The following PLSCR3 variants were observed in gnomAD, a reference collection of about 807,000 sequenced individuals.
PLSCR3 encodes the protein phospholipid scramblase 3, also known as PL scramblase 3.
PLSCR3 carries 17 observed loss-of-function variants against 33.7 expected under a neutral mutation model. The observed-to-expected ratio is 0.50, with a 90% confidence interval of 0.35 to 0.76. The LOEUF is 0.76. Ranked by LOEUF, PLSCR3 falls within the 30% of genes least tolerant of loss-of-function variation. The pLI is 0.01. For synonymous variants in PLSCR3, 166 were observed against 166.0 expected, an observed-to-expected ratio of 1.00 and a Z score of 0.00; for missense variants, 360 against 394.1, an observed-to-expected ratio of 0.91 and a Z score of 0.73.
At chr17:7,393,922 G>T in intron 2 of PLSCR3, 86 bp from the exon 3 acceptor site, 1 of 1,109,016 alleles carries the variant, frequency 9.0e-7, no homozygotes, top group Non-Finnish European at 1.3e-6. Flanking sequence ...GCGAGGCTTC[G>T]GGGGAAACGT....
chr17:7,390,578 G>T, intron 7 of PLSCR3, 56 bp downstream of exon 7: 1 of 1,603,852 alleles, frequency 6.2e-7, no homozygotes. Context: ...AATGCATAAA[G>T]CTTCAAATGA....
Position 7,390,657 on chromosome 17 carries a change from G to A in PLSCR3, c.808C>T (p.Leu270=). 6.2e-7 allele frequency: 1 copy of A among 1,614,070 alleles called. No homozygotes were observed. Among genetic ancestry groups the A allele is most frequent in the East Asian group, 2.2e-5 (1 of 44,890 alleles). The change falls in exon 7 of 8, where the codon CTG becomes TTG. Residue 270 remains leucine (L), a synonymous_variant. Coordinates refer to ENST00000619711, the MANE Select transcript of PLSCR3 (RefSeq NM_020360.4). ...LDLDVRVKAV[L]LGATFLIDYM... ...ACAATGAGGAATGTGGCTCCCAGCAGCACAGCCTTCACCCTCACATCCAGG... is the reference window on the plus strand; with the variant it reads ...ACAATGAGGAATGTGGCTCCCAGCAACACAGCCTTCACCCTCACATCCAGG...
At chr17:7,392,576 G>A (rs1039820731) in intron 6 of PLSCR3, among the ~76,000 whole-genome samples, 7 of 152,244 alleles carry the variant, frequency 4.6e-5, no homozygotes, top group Non-Finnish European at 1.0e-4. Flanking sequence ...GTAATAATCA[G>A]CATTGCTCCT....
At chr17:7,392,169 G>T (rs1437892014) in intron 6 of PLSCR3, among the ~76,000 whole-genome samples, 1 of 152,104 alleles carries the variant, frequency 6.6e-6, no homozygotes, top group South Asian at 2.1e-4. Flanking sequence ...TGGGCAACAA[G>T]AGCAAGACTC....
Position 7,394,371 on chromosome 17 carries a change from C to A in PLSCR3, c.-157-104G>T, listed in dbSNP as rs532640929. 4.0e-4 allele frequency: 189 copies of A among 474,742 alleles called. 1 individual carries two copies. The highest frequency in any genetic ancestry group is 3.5e-3 in the African/African-American group (180 of 50,984). The allele number at this position is 474,742 out of a possible 1,614,324, so 29.4% of individuals were successfully genotyped here. ...CCGCCCCCTCCCTTTGTTCTCCCAT[C>A]CTGCGGAGGAGGCTGTGGGCCGACG... On this transcript the variant is annotated intron_variant, in intron 1 of 7. Transcript: ENST00000619711. This position sits in a 1 kb window ranked among gnomAD's most constrained non-coding sequence, Gnocchi z 5.3.
intron 6 of PLSCR3, 92 bp from the exon 7 acceptor site, chr17:7,390,887 T>G: frequency 7.7e-7 from 1 of 1,302,970 alleles, no homozygotes; most frequent in Non-Finnish European, 1.1e-6. Flanking sequence ...ACGTATGAAT[T>G]TGCAGGGTCT....
At position 7,390,250 on chromosome 17, in the gene PLSCR3, T is replaced by C; in HGVS notation, c.*135A>G. On this transcript the variant is annotated 3_prime_UTR_variant, in exon 8 of 8. Coordinates refer to ENST00000619711, the MANE Select transcript of PLSCR3 (RefSeq NM_020360.4). ...ACCACAGGGGCAGGCGGCCAGGGAGTAGGGTAGGGATGGGGCCCCCCTTCT... is the reference window on the plus strand; with the variant it reads ...ACCACAGGGGCAGGCGGCCAGGGAGCAGGGTAGGGATGGGGCCCCCCTTCT... The C allele has an allele frequency of 5.1e-6, 3 of 588,456 alleles. No individual in the cohort carries two copies. The highest frequency in any genetic ancestry group is 4.8e-5 in the South Asian group (2 of 41,798). 36.5% of individuals were successfully genotyped at this position (588,456 alleles called of 1,614,324 possible). A position where few individuals can be genotyped will look rare whatever the true frequency, so the allele number is the denominator to read the frequency against.
Position 7,390,699 on chromosome 17 carries a change from G to C in PLSCR3, c.766C>G (p.Leu256Val), listed in dbSNP as rs770991588. ...EALTDADDFGLQFPLDLDVRV... is the reference protein window; with the variant it reads ...EALTDADDFGVQFPLDLDVRV... ...ACATCCAGGTCCAGCGGGAACTGTAGGCCAAAGTCATCTGCATCTGTGAGG... is the reference window on the plus strand; with the variant it reads ...ACATCCAGGTCCAGCGGGAACTGTACGCCAAAGTCATCTGCATCTGTGAGG... Residue 256 changes from leucine to valine, a missense_variant, in exon 7 of 8, where the codon CTA becomes GTA. Coordinates refer to ENST00000619711, the MANE Select transcript of PLSCR3 (RefSeq NM_020360.4). 1.9e-6 allele frequency: 3 copies of C among 1,614,094 alleles called. No individual in the cohort carries two copies. Among genetic ancestry groups the C allele is most frequent in the Non-Finnish European group, 2.5e-6 (3 of 1,180,048 alleles).
chr17:7,390,270 C>T lies in PLSCR3; in HGVS notation c.*115G>A. On this transcript the variant is annotated 3_prime_UTR_variant, in exon 8 of 8. Transcript: ENST00000619711. ...GGGAGTAGGGTAGGGATGGGGCCCC[C>T]CTTCTGTCCCCTGCAGTGTACATGG... 1.2e-6 allele frequency: 1 copy of T among 822,062 alleles called. No homozygotes were observed. The highest frequency in any genetic ancestry group is 1.9e-6 in the Non-Finnish European group (1 of 535,986). The allele number at this position is 822,062 out of a possible 1,614,324, so 50.9% of individuals were successfully genotyped here.
In PLSCR3 at chr17:7,393,813, C is replaced by A; in HGVS notation, c.31G>T (p.Ala11Ser). The change falls in exon 3 of 8, where the codon GCC becomes TCC. Residue 11 changes from alanine (A) to serine (S), a missense_variant. Ala to Ser is a moderately conservative substitution (Grantham distance 99, BLOSUM62 1). Coordinates refer to ENST00000619711, the MANE Select transcript of PLSCR3 (RefSeq NM_020360.4). ...GGGTAGGGAGGTGGGGGCGAAGGGG[C>A]GTAGCCTTTGGGGGGCAAGTAGCCT... MAGYLPPKGY[A>S]PSPPPPYPVT... 1 of 1,509,994 alleles carries A rather than the reference C, an allele frequency of 6.6e-7. No individual in the cohort carries two copies. Among genetic ancestry groups the A allele is most frequent in the South Asian group, 1.2e-5 (1 of 81,414 alleles). 93.5% of individuals were successfully genotyped at this position (1,509,994 alleles called of 1,614,324 possible). A position where few individuals can be genotyped will look rare whatever the true frequency, so the allele number is the denominator to read the frequency against.
rs1905910447 is a variant in PLSCR3, at chr17:7,393,492, A to G, written c.261T>C (p.Ile87=). 1 of 1,614,032 alleles carries G rather than the reference A, an allele frequency of 6.2e-7. No individual in the cohort carries two copies. ...TTTCCACTCGCTCAGCCTTCTGGTG[A>G]ATCAAAATCTGATCAATCTGGAAAG... is the stretch of plus-strand genomic sequence containing the variant. ...EFLVQIDQIL[I]HQKAERVETF... Residue 87 remains isoleucine (I), a synonymous_variant, in exon 4 of 8, where the codon ATT becomes ATC. Transcript: ENST00000619711.
chr17:7,393,653 G>A lies in PLSCR3; in HGVS notation c.191C>T (p.Ala64Val), dbSNP rs1905928746. Residue 64 changes from alanine (A) to valine (V), a missense_variant, in exon 3 of 8, where the codon GCC (alanine) becomes GTC (valine). Coordinates refer to ENST00000619711, the MANE Select transcript of PLSCR3 (RefSeq NM_020360.4). ...SPGPVALGSA[A>V]PFLPLPGVPS... ...CACCCCTGGCAGTGGCAAGAAGGGG[G>A]CAGCAGACCCCAAGGCCACGGGGCC... 1.9e-6 allele frequency: 3 copies of A among 1,609,084 alleles called. No individual in the cohort carries two copies. The highest frequency in any genetic ancestry group is 2.2e-5 in the South Asian group (2 of 91,024).
Position 7,393,501 on chromosome 17 carries a change from C to A in PLSCR3, c.252G>T (p.Gln84His), listed in dbSNP as rs749121325. ...SGLEFLVQID[Q>H]ILIHQKAERV... is the part of the protein sequence containing the mutation. ...GCTCAGCCTTCTGGTGAATCAAAAT[C>A]TGATCAATCTGGAAAGAGAGGGGCG... The change falls in exon 4 of 8, where the codon CAG (glutamine) becomes CAT (histidine). Residue 84 changes from glutamine to histidine, a missense_variant. Physicochemically the swap from Gln to His is conservative, Grantham distance 24 (BLOSUM62 0). Coordinates refer to ENST00000619711, the MANE Select transcript of PLSCR3 (RefSeq NM_020360.4). 1.4e-5 allele frequency: 22 copies of A among 1,614,184 alleles called. 1 individual carries two copies. In the South Asian group the frequency reaches 2.0e-4, roughly 14 times the overall value.
rs1004164373 is a variant in PLSCR3 at position 7,394,168 on chromosome 17, G to A, written c.-58C>T. 18 of 1,547,150 alleles carry A rather than the reference G, an allele frequency of 1.2e-5. No homozygotes were observed. The highest frequency in any genetic ancestry group is 1.6e-5 in the Non-Finnish European group (18 of 1,121,612). On this transcript the variant is annotated 5_prime_UTR_variant, in exon 2 of 8. Coordinates refer to ENST00000619711, the MANE Select transcript of PLSCR3 (RefSeq NM_020360.4). The surrounding 1 kb of genome is among the most constrained non-coding windows in gnomAD (Gnocchi z 5.3). ...GTCTGGGTGGCTTAGTTCTGGAAGC[G>A]GAGGCAAACTCGGAGATAGCCAGAC...
rs780834948 is a variant in PLSCR3, at chr17:7,391,723, T to C, written c.670-928A>G. Among the ~76,000 whole-genome samples, 21 of 152,190 alleles carry C rather than the reference T, an allele frequency of 1.4e-4. No homozygotes were observed. Among genetic ancestry groups the C allele is most frequent in the Non-Finnish European group, 2.4e-4 (16 of 68,032 alleles). Reference sequence around the variant, plus strand: ...TCCCATCTGGAGATCACGCAGTTATTATATCTTATTCCCAATTGGTTCTCA... The same window carrying C: ...TCCCATCTGGAGATCACGCAGTTATCATATCTTATTCCCAATTGGTTCTCA... On this transcript the variant is annotated intron_variant, in intron 6 of 7. Transcript: ENST00000619711. The surrounding 1 kb of genome is among the most constrained non-coding windows in gnomAD (Gnocchi z 4.1).
rs898989845 is a variant in PLSCR3, at chr17:7,391,133, G to A, written c.670-338C>T. Among the ~76,000 whole-genome samples, 2 of 152,216 alleles carry A rather than the reference G, an allele frequency of 1.3e-5. No individual in the cohort carries two copies. The highest frequency in any genetic ancestry group is 1.3e-4 in the Admixed American group (2 of 15,270). On this transcript the variant is annotated intron_variant, in intron 6 of 7. Transcript: ENST00000619711. This position sits in a 1 kb window ranked among gnomAD's most constrained non-coding sequence, Gnocchi z 4.1. ...AATCCAACCCCCTTAGGGTATGGCT[G>A]TTTGCTAGGTTTGCTCTGGTTCCCA...
rs1403965114 is a variant in PLSCR3 at position 7,391,885 on chromosome 17, C to T, written c.669+906G>A. On this transcript the variant is annotated intron_variant, in intron 6 of 7. Coordinates refer to ENST00000619711, the MANE Select transcript of PLSCR3 (RefSeq NM_020360.4). The surrounding 1 kb of genome is among the most constrained non-coding windows in gnomAD (Gnocchi z 4.1). ...CCCTTATCTGCACAAGCAATTATCC[C>T]TTAAAGAACTCAAGGGTCGGTCAGG... Among the ~76,000 whole-genome samples, 2 of 152,184 alleles carry T rather than the reference C, an allele frequency of 1.3e-5. No individual in the cohort carries two copies. Among genetic ancestry groups the T allele is most frequent in the Non-Finnish European group, 2.9e-5 (2 of 68,028 alleles).
rs1905723448 is a variant in PLSCR3 at position 7,391,815 on chromosome 17, C to T, written c.669+976G>A. On this transcript the variant is annotated intron_variant, in intron 6 of 7. Coordinates refer to ENST00000619711, the MANE Select transcript of PLSCR3 (RefSeq NM_020360.4). This position sits in a 1 kb window ranked among gnomAD's most constrained non-coding sequence, Gnocchi z 4.1. Reference sequence around the variant, plus strand: ...CAAAGTAACCTTAGGTAGGGTACCTCATTAGAAGCGTTGGAAAGTCTACTG... The same window carrying T: ...CAAAGTAACCTTAGGTAGGGTACCTTATTAGAAGCGTTGGAAAGTCTACTG... Among the ~76,000 whole-genome samples the T allele has an allele frequency of 6.6e-6, 1 of 152,218 alleles. No individual in the cohort carries two copies. Among genetic ancestry groups the T allele is most frequent in the Non-Finnish European group, 1.5e-5 (1 of 68,048 alleles).
rs1278479408 is a variant in PLSCR3 at position 7,391,776 on chromosome 17, G to A, written c.670-981C>T. 6.6e-6 allele frequency among the ~76,000 whole-genome samples: 1 copy of A among 152,202 alleles called. No homozygotes were observed. The highest frequency in any genetic ancestry group is 1.5e-5 in the Non-Finnish European group (1 of 68,040). On this transcript the variant is annotated intron_variant, in intron 6 of 7. Coordinates refer to ENST00000619711, the MANE Select transcript of PLSCR3 (RefSeq NM_020360.4). The surrounding 1 kb of genome is among the most constrained non-coding windows in gnomAD (Gnocchi z 4.1). ...ATGGAATCTCCCTCTGGCTACCAAG[G>A]TGACTCATTTTTGCAAAGTAACCTT... is the stretch of plus-strand genomic sequence containing the variant.
Sources: gnomAD v4.1 joint callset for allele counts (sites outside exome capture counted in the v4.1 genomes callset) on GRCh38, gnomAD v4.1.1 for gene constraint, Gnocchi (gnomAD v3.1) non-coding constraint, MANE v1.5 for transcripts, NCBI Gene and HGNC (gene_info 2026-07-23, HGNC 2026-07-21) for gene names.